CADM2: variants seen among roughly 807,000 people sequenced by gnomAD.
CADM2 encodes cell adhesion molecule 2.
CADM2 carries 12 observed loss-of-function variants against 49.8 expected under a neutral mutation model. The observed-to-expected ratio is 0.24, with a 90% CI of 0.15 to 0.39. The LOEUF is 0.39. Among genes scored for constraint, CADM2 ranks in the 10% least tolerant of loss-of-function variants. The probability of loss-of-function intolerance (pLI) is 1.00; values close to 1 mark genes in which losing one functional copy is unlikely to be tolerated. For synonymous variants in CADM2, 214 were observed against 175.4 expected (o/e 1.22, Z -1.74); for missense variants, 378 against 492.3 (o/e 0.77, Z 2.20).
intron 8 of CADM2, among the ~76,000 whole-genome samples, chr3:86,050,814 T>C (rs1451773328): frequency 6.6e-6 from 1 of 152,034 alleles, no homozygotes; most frequent in African/African-American, 2.4e-5. Flanking sequence ...TTGCACAGAG[T>C]AGCTGGGCCC....
At chr3:85,507,521 C>G (rs72909239) in intron 1 of CADM2, among the ~76,000 whole-genome samples, 6,479 of 152,156 alleles carry the variant, frequency 0.043, 457 homozygotes, top group African/African-American at 0.15. Flanking sequence ...TACATTATAT[C>G]TTTGTTATGA....
chr3:85,408,010 C>CAAAAAAAAAAAAAAAAAAAAAAAAA (rs372349246), intron 1 of CADM2, among the ~76,000 whole-genome samples: 5 of 56,170 alleles, frequency 8.9e-5, no homozygotes, highest in Admixed American at 2.9e-4. Context: ...AAAACAAAAC[C>CAAAAAAAAAAAAAAAAAAAAAAAAA]AAAAAAAAAA....
intron 3 of CADM2, among the ~76,000 whole-genome samples, chr3:85,806,280 G>A (rs1394896501): frequency 6.6e-6 from 1 of 152,004 alleles, no homozygotes; most frequent in African/African-American, 2.4e-5. Flanking sequence ...AGAATGGAAG[G>A]GAGGGAGGGA....
At chr3:85,639,629 T>G (rs2064643140) in intron 1 of CADM2, among the ~76,000 whole-genome samples, 1 of 152,200 alleles carries the variant, frequency 6.6e-6, no homozygotes, top group Non-Finnish European at 1.5e-5. Context: ...ATTTGAATTC[T>G]AATTAAAAGG....
At chr3:85,294,630 A>G (rs2043904012) in intron 1 of CADM2, among the ~76,000 whole-genome samples, 1 of 151,940 alleles carries the variant, frequency 6.6e-6, no homozygotes, top group Non-Finnish European at 1.5e-5. Context: ...CTCAGAAATA[A>G]CGCTGCATAT....
chr3:85,342,379 AT>A (rs1333875323), intron 1 of CADM2, among the ~76,000 whole-genome samples: 1 of 152,110 alleles, frequency 6.6e-6, no homozygotes, highest in Non-Finnish European at 1.5e-5. Flanking sequence ...ACTTCTAAAA[AT>A]ATGGAATTAT....
Position 86,065,592 on chromosome 3 carries a change from C to T in CADM2, c.971-13C>T. ...ACACATTAAATAGAACAATATTTTC[C>T]TGTCTTTTCCAGATCCTAATGCTTT... On this transcript the variant is annotated splice_polypyrimidine_tract_variant and intron_variant, in intron 8 of 9. Coordinates refer to ENST00000383699, the MANE Select transcript of CADM2 (RefSeq NM_001167675.2). 6.2e-7 allele frequency: 1 copy of T among 1,605,076 alleles called. No individual in the cohort carries two copies. The highest frequency in any genetic ancestry group is 2.2e-5 in the East Asian group (1 of 44,590).
chr3:85,725,638 C>G (rs1224939806), intron 1 of CADM2, among the ~76,000 whole-genome samples: 1 of 151,954 alleles, frequency 6.6e-6, no homozygotes, highest in East Asian at 1.9e-4. Flanking sequence ...TCCTGTAGGA[C>G]TGTTCTAATT....
At chr3:85,576,893 A>G (rs556536832) in intron 1 of CADM2, among the ~76,000 whole-genome samples, 25 of 152,172 alleles carry the variant, frequency 1.6e-4, no homozygotes, top group African/African-American at 5.8e-4. Context: ...ATTGTATTCT[A>G]TAATAGTCTT....
At chr3:86,033,556 AC>A (rs911264977) in intron 8 of CADM2, among the ~76,000 whole-genome samples, 4 of 151,040 alleles carry the variant, frequency 2.6e-5, no homozygotes, top group Non-Finnish European at 4.4e-5. Flanking sequence ...GAATTGTTCT[AC>A]ACTTGTGTTC....
intron 1 of CADM2, among the ~76,000 whole-genome samples, chr3:85,258,719 T>C (rs1473812054): frequency 1.3e-5 from 2 of 152,122 alleles, no homozygotes; most frequent in African/African-American, 2.4e-5. Context: ...ACTTTAGAAG[T>C]TGGGCTCTAT....
chr3:85,108,545 A>G (rs1481265647), intron 1 of CADM2, among the ~76,000 whole-genome samples: 2 of 152,178 alleles, frequency 1.3e-5, no homozygotes, highest in Non-Finnish European at 2.9e-5. Context: ...GTGAGGAGAT[A>G]GAGTTTCAGT....
chr3:85,904,661 G>A (rs1041773727), intron 5 of CADM2, among the ~76,000 whole-genome samples: 2 of 152,136 alleles, frequency 1.3e-5, no homozygotes, highest in African/African-American at 2.4e-5. Flanking sequence ...ACTAGTTATG[G>A]TTGTTTAGCT....
intron 1 of CADM2, among the ~76,000 whole-genome samples, chr3:85,572,147 A>C (rs546597848): frequency 6.6e-6 from 1 of 152,092 alleles, no homozygotes; most frequent in Non-Finnish European, 1.5e-5. Flanking sequence ...AAATATAAAA[A>C]TTAGCCGGGC....
chr3:85,102,902 G>T (rs977782527), intron 1 of CADM2, among the ~76,000 whole-genome samples: 6 of 152,094 alleles, frequency 3.9e-5, no homozygotes, highest in African/African-American at 1.4e-4. Context: ...AAGTAATCAA[G>T]ACTTTGTTCA....
At chr3:85,507,815 T>G (rs1430757171) in intron 1 of CADM2, among the ~76,000 whole-genome samples, 6 of 152,212 alleles carry the variant, frequency 3.9e-5, no homozygotes, top group Non-Finnish European at 1.5e-5. Flanking sequence ...TATCTGTTTC[T>G]GGGGGATAAT....
At chr3:85,470,818 G>T (rs2038734042) in intron 1 of CADM2, among the ~76,000 whole-genome samples, 1 of 152,038 alleles carries the variant, frequency 6.6e-6, no homozygotes. Context: ...TTCATTTCTA[G>T]CTTCCTCATT....
intron 1 of CADM2, among the ~76,000 whole-genome samples, chr3:85,693,872 G>A (rs1299174585): frequency 1.4e-5 from 2 of 147,394 alleles, no homozygotes; most frequent in Non-Finnish European, 3.0e-5. Context: ...CTCCAGCCTG[G>A]GCTACAGAGC....
chr3:85,353,173 T>A (rs1259179330), intron 1 of CADM2, among the ~76,000 whole-genome samples: 1 of 152,092 alleles, frequency 6.6e-6, no homozygotes, highest in African/African-American at 2.4e-5. Flanking sequence ...AAGGAATATG[T>A]CATTGACTAG....
Sources: allele counts gnomAD v4.1 joint callset (sites outside exome capture counted in the v4.1 genomes callset), GRCh38; gene constraint gnomAD v4.1.1; transcripts MANE v1.5; gene names NCBI Gene and HGNC (gene_info 2026-07-23, HGNC 2026-07-21).